SMOC2: variants seen among roughly 807,000 people sequenced by gnomAD.
The protein encoded by SMOC2 is SPARC-related modular calcium-binding protein 2.
Under a neutral mutation model 61.4 loss-of-function variants are expected in SMOC2, and 39 were observed. That is an observed-to-expected ratio of 0.64 (90% CI 0.49 to 0.83). The LOEUF is 0.83. Ranked by LOEUF, SMOC2 falls within the 40% of genes least tolerant of loss-of-function variation. The probability of loss-of-function intolerance (pLI) is 0.00; values close to 1 mark genes in which losing one functional copy is unlikely to be tolerated. For missense variants in SMOC2, 556 were observed against 592.9 expected, an observed-to-expected ratio of 0.94 and a Z score of 0.65; for synonymous variants, 247 against 239.9, an observed-to-expected ratio of 1.03 and a Z score of -0.27.
At chr6:168,471,133 G>A (rs539365931) in intron 1 of SMOC2, among the ~76,000 whole-genome samples, 4 of 152,316 alleles carry the variant, frequency 2.6e-5, no homozygotes, top group Admixed American at 6.5e-5. Context: ...GTGTGGCTGA[G>A]TTCTGTTTTA....
intron 7 of SMOC2, among the ~76,000 whole-genome samples, chr6:168,590,477 A>G (rs1424586498): frequency 6.6e-6 from 1 of 152,130 alleles, no homozygotes; most frequent in Non-Finnish European, 1.5e-5. Context: ...TGGTGGTGTC[A>G]GATTGACACT....
intron 2 of SMOC2, among the ~76,000 whole-genome samples, chr6:168,519,327 TTA>T (rs922163055): frequency 4.6e-5 from 7 of 152,196 alleles, no homozygotes; most frequent in African/African-American, 1.7e-4. Context: ...GGCCAGGTGC[TTA>T]TCCCTGGCTC....
chr6:168,571,514 G>C (rs1784665658), intron 7 of SMOC2, among the ~76,000 whole-genome samples: 1 of 152,190 alleles, frequency 6.6e-6, no homozygotes, highest in Admixed American at 6.5e-5. Context: ...GGTCGCGTTT[G>C]TGAGGCGCTT....
intron 4 of SMOC2, among the ~76,000 whole-genome samples, chr6:168,532,943 G>T (rs1221389808): frequency 6.6e-6 from 1 of 152,194 alleles, no homozygotes; most frequent in Non-Finnish European, 1.5e-5. Flanking sequence ...CTTTCCCATT[G>T]CATGGGGAAG....
At chr6:168,483,345 ATAT>A (rs1782255396) in intron 1 of SMOC2, among the ~76,000 whole-genome samples, 1 of 152,120 alleles carries the variant, frequency 6.6e-6, no homozygotes. Flanking sequence ...GTTCAAAATA[ATAT>A]TAAAAAGTAA....
At chr6:168,642,608 G>A (rs532778202) in intron 9 of SMOC2, among the ~76,000 whole-genome samples, 1 of 152,306 alleles carries the variant, frequency 6.6e-6, no homozygotes, top group East Asian at 1.9e-4. Context: ...GGCGCTTGAT[G>A]TTGTCAGTGT....
intron 1 of SMOC2, among the ~76,000 whole-genome samples, chr6:168,467,554 C>T (rs901087379): frequency 3.9e-5 from 6 of 152,052 alleles, no homozygotes; most frequent in Non-Finnish European, 7.4e-5. Flanking sequence ...GTGATCCACC[C>T]GCCTCGGCCT....
At chr6:168,663,590 A>G (rs1003816771) in intron 11 of SMOC2, among the ~76,000 whole-genome samples, 4 of 152,042 alleles carry the variant, frequency 2.6e-5, no homozygotes, top group African/African-American at 9.7e-5. Context: ...GAGAATCTGT[A>G]TGTTAGAAAG....
In SMOC2 at chr6:168,558,622, C is replaced by T. The variant is rs980100506; in HGVS notation, c.637+9419C>T. ...TCCCGGAAAAGCCCCAGAGCTCAGTCTGGTTGGATGCACCAGTGTCCACTT... is the reference window on the plus strand; with the variant it reads ...TCCCGGAAAAGCCCCAGAGCTCAGTTTGGTTGGATGCACCAGTGTCCACTT... On this transcript the variant is annotated intron_variant, in intron 7 of 12. Coordinates refer to ENST00000356284, the MANE Select transcript of SMOC2 (RefSeq NM_001166412.2). 1.2e-4 allele frequency among the ~76,000 whole-genome samples: 19 copies of T among 152,184 alleles called. 1 individual carries two copies. The highest frequency in any genetic ancestry group is 4.6e-4 in the African/African-American group (19 of 41,450).
chr6:168,541,412 C>T (rs1053388642), intron 4 of SMOC2, among the ~76,000 whole-genome samples: 6 of 152,176 alleles, frequency 3.9e-5, no homozygotes, highest in South Asian at 2.1e-4. Flanking sequence ...CAAGTACAGC[C>T]GGCAATCTTG....
intron 7 of SMOC2, among the ~76,000 whole-genome samples, chr6:168,554,808 A>G (rs1784208713): frequency 6.6e-6 from 1 of 152,230 alleles, no homozygotes; most frequent in Non-Finnish European, 1.5e-5. Context: ...GGAGATGGTC[A>G]GGTCGGCTGC....
intron 1 of SMOC2, among the ~76,000 whole-genome samples, chr6:168,486,850 G>T (rs1782350776): frequency 6.6e-6 from 1 of 151,996 alleles, no homozygotes; most frequent in Non-Finnish European, 1.5e-5. Context: ...GAAGTCCAGG[G>T]TAAGAGCTTA....
intron 11 of SMOC2, among the ~76,000 whole-genome samples, chr6:168,653,756 T>A (rs549384416): frequency 2.1e-5 from 3 of 146,238 alleles, no homozygotes; most frequent in South Asian, 2.3e-4. Flanking sequence ...CAACCAAATG[T>A]TAGGAACTCA....
intron 2 of SMOC2, among the ~76,000 whole-genome samples, chr6:168,518,678 G>A (rs1783218953): frequency 7.3e-6 from 1 of 137,710 alleles, no homozygotes. Context: ...GAGTGTGCTT[G>A]TGTGTGAATG....
At chr6:168,629,939 G>C (rs752446303) in intron 9 of SMOC2, among the ~76,000 whole-genome samples, 2 of 152,134 alleles carry the variant, frequency 1.3e-5, no homozygotes, top group Non-Finnish European at 2.9e-5. Context: ...TTGAAACACC[G>C]GGGTGGGTGG....
In SMOC2 at chr6:168,543,701, C is replaced by T. The variant is rs149911851; in HGVS notation, c.511+29C>T. ...ACTATCTTAGAATAAATGTCTATGA[C>T]GATATGTAACATCTAACTTATCCCG... On this transcript the variant is annotated intron_variant, in intron 5 of 12. Transcript: ENST00000356284. 4.5e-4 allele frequency: 710 copies of T among 1,587,254 alleles called. 4 individuals carry two copies. The African/African-American group carries it at 7.1e-3, about 16-fold the overall frequency.
chr6:168,627,045 G>A (rs1182396920), intron 9 of SMOC2, among the ~76,000 whole-genome samples: 1 of 152,116 alleles, frequency 6.6e-6, no homozygotes, highest in Non-Finnish European at 1.5e-5. Flanking sequence ...CACACTCCAG[G>A]CCCCATAACC....
chr6:168,518,636 A>AGT (rs371830423), intron 2 of SMOC2, among the ~76,000 whole-genome samples: 83,241 of 147,796 alleles, frequency 0.56, 26,685 homozygotes, highest in Non-Finnish European at 0.72. Context: ...TGCATGTGTG[A>AGT]GTGTATGCTT....
chr6:168,456,675 C>G (rs754418305), intron 1 of SMOC2, among the ~76,000 whole-genome samples: 1 of 152,220 alleles, frequency 6.6e-6, no homozygotes, highest in Admixed American at 6.5e-5. Flanking sequence ...CCAGGTCAGG[C>G]TGATCTCAGA....
Sources: allele counts gnomAD v4.1 joint callset (sites outside exome capture counted in the v4.1 genomes callset), GRCh38; gene constraint gnomAD v4.1.1; transcripts MANE v1.5; gene names NCBI Gene and HGNC (gene_info 2026-07-23, HGNC 2026-07-21).